Variants in PHACTR1 observed in about 807,000 individuals in gnomAD.
PHACTR1 encodes RPEL repeat containing 1.
PHACTR1 carries 16 observed loss-of-function variants against 69.2 expected under a neutral mutation model. That is an observed-to-expected ratio of 0.23 (90% CI 0.16 to 0.35). PHACTR1 has a LOEUF of 0.35. Among genes scored for constraint, PHACTR1 ranks in the 10% least tolerant of loss-of-function variants. The pLI, the probability that PHACTR1 is intolerant of heterozygous loss-of-function variation, is 1.00. For missense variants in PHACTR1, 510 were observed against 734.7 expected (o/e 0.69, Z 3.54); for synonymous variants, 312 against 284.5 (o/e 1.10, Z -0.97).
intron 4 of PHACTR1, among the ~76,000 whole-genome samples, chr6:12,804,637 C>A (rs548742192): frequency 1.3e-5 from 2 of 152,244 alleles, no homozygotes; most frequent in East Asian, 3.9e-4. Context: ...GCTTGGGCAA[C>A]ATGGCGAAAC....
intron 4 of PHACTR1, among the ~76,000 whole-genome samples, chr6:13,020,816 A>G (rs565604747): frequency 1.3e-5 from 2 of 152,248 alleles, no homozygotes; most frequent in African/African-American, 4.8e-5. Flanking sequence ...TAGTCGATGA[A>G]TGTGTGTCCC....
intron 5 of PHACTR1, among the ~76,000 whole-genome samples, chr6:13,110,317 G>A (rs1385556506): frequency 6.6e-6 from 1 of 152,138 alleles, no homozygotes; most frequent in African/African-American, 2.4e-5. Flanking sequence ...TGTTTCGGAT[G>A]GATGTAAGGT....
At chr6:12,767,432 G>A (rs1453122515) in intron 4 of PHACTR1, among the ~76,000 whole-genome samples, 1 of 152,152 alleles carries the variant, frequency 6.6e-6, no homozygotes, top group Non-Finnish European at 1.5e-5. Flanking sequence ...TGTTTTTTAA[G>A]CAATGGAGAA....
At chr6:13,230,861 C>A (rs1001611227) in intron 10 of PHACTR1, among the ~76,000 whole-genome samples, 3 of 152,010 alleles carry the variant, frequency 2.0e-5, no homozygotes, top group African/African-American at 4.8e-5. Context: ...TACATAAAAT[C>A]AAAAATTAGC....
intron 4 of PHACTR1, among the ~76,000 whole-genome samples, chr6:12,812,284 G>A (rs1775104183): frequency 6.6e-6 from 1 of 152,100 alleles, no homozygotes; most frequent in South Asian, 2.1e-4. Context: ...CTCTCACTTA[G>A]CATAATGTTT....
At position 12,872,516 on chromosome 6, in the gene PHACTR1, T is replaced by C. The variant is rs998944939; in HGVS notation, c.250+122726T>C. 8.5e-5 allele frequency among the ~76,000 whole-genome samples: 13 copies of C among 152,312 alleles called. No individual in the cohort carries two copies. In the South Asian group the frequency reaches 2.7e-3, roughly 32 times the overall value. On this transcript the variant is annotated intron_variant, in intron 4 of 14. Transcript: ENST00000332995. ...TCTTTGCTCTTTGATTTTATGTACA[T>C]ATGTACATAACCACTTAATTACTCA...
intron 4 of PHACTR1, among the ~76,000 whole-genome samples, chr6:12,777,366 T>C (rs182241726): frequency 3.7e-4 from 56 of 151,976 alleles, no homozygotes; most frequent in Non-Finnish European, 6.5e-4. Context: ...TAGTACCCAA[T>C]AGGTAGTTTT....
At chr6:12,875,656 T>G (rs1412745) in intron 4 of PHACTR1, among the ~76,000 whole-genome samples, 1 of 152,186 alleles carries the variant, frequency 6.6e-6, no homozygotes, top group African/African-American at 2.4e-5. Context: ...TATTTTCTGC[T>G]GTAACATTTG....
intron 5 of PHACTR1, among the ~76,000 whole-genome samples, chr6:13,138,067 C>T (rs778541711): frequency 1.3e-5 from 2 of 152,152 alleles, no homozygotes; most frequent in Non-Finnish European, 2.9e-5. Flanking sequence ...CCAGTGTATA[C>T]TGAGCTCAAC....
At chr6:13,244,069 G>A (rs927883445) in intron 10 of PHACTR1, among the ~76,000 whole-genome samples, 1 of 152,014 alleles carries the variant, frequency 6.6e-6, no homozygotes, top group Non-Finnish European at 1.5e-5. Context: ...CCTAAGCATC[G>A]GCTGGCTTGA....
intron 3 of PHACTR1, among the ~76,000 whole-genome samples, chr6:12,737,605 T>A (rs570135787): frequency 9.2e-5 from 14 of 151,532 alleles, no homozygotes; most frequent in African/African-American, 3.4e-4. Context: ...TTTCTTTTTT[T>A]TTTTTAAGAG....
At chr6:13,166,184 C>G (rs1759779273) in intron 6 of PHACTR1, among the ~76,000 whole-genome samples, 2 of 152,194 alleles carry the variant, frequency 1.3e-5, no homozygotes, top group Non-Finnish European at 2.9e-5. Flanking sequence ...GAGGTGTCAC[C>G]TTCCCAGTGA....
At chr6:13,135,916 AAG>A (rs997690505) in intron 5 of PHACTR1, among the ~76,000 whole-genome samples, 18 of 152,120 alleles carry the variant, frequency 1.2e-4, no homozygotes, top group African/African-American at 3.6e-4. Flanking sequence ...TAGAAAAAAA[AAG>A]AGAAAATGTC....
At chr6:13,017,648 G>A (rs975094574) in intron 4 of PHACTR1, among the ~76,000 whole-genome samples, 1 of 152,098 alleles carries the variant, frequency 6.6e-6, no homozygotes, top group Non-Finnish European at 1.5e-5. Context: ...TCTAGAAAGT[G>A]AAGTATTTTC....
chr6:13,267,783 T>A (rs1776973179), intron 10 of PHACTR1: 1 of 144,728 alleles, frequency 6.9e-6, no homozygotes, highest in Non-Finnish European at 1.5e-5. Context: ...TTCTTATCAT[T>A]TGATCTCAGC....
intron 4 of PHACTR1, among the ~76,000 whole-genome samples, chr6:13,036,680 T>C (rs995193823): frequency 6.6e-6 from 1 of 152,238 alleles, no homozygotes; most frequent in Non-Finnish European, 1.5e-5. Context: ...AATCTTACCC[T>C]GTCATGCGAG....
intron 7 of PHACTR1, 49 bp downstream of exon 7, chr6:13,182,735 C>G: frequency 6.8e-7 from 1 of 1,463,074 alleles, no homozygotes; most frequent in East Asian, 2.4e-5. Flanking sequence ...CCAAGTCCAG[C>G]CAGGCACCAG....
intron 4 of PHACTR1, among the ~76,000 whole-genome samples, chr6:12,895,915 C>G (rs1328921076): frequency 6.6e-6 from 1 of 152,168 alleles, no homozygotes; most frequent in African/African-American, 2.4e-5. Flanking sequence ...GAATGAGCCA[C>G]AGGGATCATG....
chr6:12,880,857 G>A (rs1304410335), intron 4 of PHACTR1, among the ~76,000 whole-genome samples: 1 of 146,536 alleles, frequency 6.8e-6, no homozygotes, highest in Non-Finnish European at 1.5e-5. Flanking sequence ...TCATGTTCGC[G>A]GAACAGGCAA....
Sources: gnomAD v4.1 joint callset for allele counts (sites outside exome capture counted in the v4.1 genomes callset) on GRCh38, gnomAD v4.1.1 for gene constraint, MANE v1.5 for transcripts, NCBI Gene and HGNC (gene_info 2026-07-23, HGNC 2026-07-21) for gene names.